CEP112: variants seen among roughly 807,000 people sequenced by gnomAD.
CEP112 encodes centrosomal protein 112, also known as centrosomal protein of 112 kDa.
A neutral mutation model predicts 153.0 loss-of-function variants in CEP112; 127 were observed. The observed-to-expected ratio is 0.83, with a 90% CI of 0.72 to 0.96. CEP112 has a LOEUF of 0.96. CEP112 is among the 40% of genes least tolerant of loss of function. CEP112 has a pLI of 0.00. For missense variants in CEP112, 1,089 were observed against 1,101.2 expected, an observed-to-expected ratio of 0.99 and a Z score of 0.16; for synonymous variants, 358 against 374.4, an observed-to-expected ratio of 0.96 and a Z score of 0.51.
At chr17:65,983,614 C>T (rs1167095745) in intron 17 of CEP112, among the ~76,000 whole-genome samples, 4 of 151,958 alleles carry the variant, frequency 2.6e-5, no homozygotes, top group South Asian at 2.1e-4. Context: ...CCTCCTGCTC[C>T]GTCTCTTGCT....
chr17:65,759,703 G>A (rs560805736), intron 21 of CEP112, among the ~76,000 whole-genome samples: 1 of 152,216 alleles, frequency 6.6e-6, no homozygotes, highest in South Asian at 2.1e-4. Context: ...AGGAAGCAGA[G>A]GATTGTGACC....
At chr17:65,902,990 T>A (rs967878639) in intron 19 of CEP112, 3 of 150,648 alleles carry the variant, frequency 2.0e-5, no homozygotes, top group African/African-American at 7.4e-5. Context: ...CCTTGGCCAG[T>A]CTTAGCCTCT....
chr17:65,738,503 A>G (rs1426778330), intron 23 of CEP112, among the ~76,000 whole-genome samples: 1 of 152,214 alleles, frequency 6.6e-6, no homozygotes, highest in East Asian at 1.9e-4. Flanking sequence ...TCATTTCAAA[A>G]GCCTACTCGG....
intron 21 of CEP112, among the ~76,000 whole-genome samples, chr17:65,758,059 C>G (rs763000867): frequency 8.5e-5 from 13 of 152,252 alleles, no homozygotes; most frequent in Admixed American, 2.6e-4. Flanking sequence ...GACTCAAACT[C>G]CTAGGCTCAA....
intron 18 of CEP112, among the ~76,000 whole-genome samples, chr17:65,944,694 ATCATCTTACC>A (rs1383805466): frequency 6.6e-6 from 1 of 152,066 alleles, no homozygotes; most frequent in East Asian, 1.9e-4. Flanking sequence ...GGCTCAAGTG[ATCATCTTACC>A]TCAACCTCTG....
At chr17:66,057,598 A>T (rs2066745760) in intron 11 of CEP112, among the ~76,000 whole-genome samples, 1 of 152,176 alleles carries the variant, frequency 6.6e-6, no homozygotes, top group South Asian at 2.1e-4. Flanking sequence ...ATATACACAC[A>T]CACATACATA....
chr17:65,778,675 C>T (rs940572297), intron 21 of CEP112, among the ~76,000 whole-genome samples: 2 of 152,058 alleles, frequency 1.3e-5, no homozygotes, highest in Non-Finnish European at 2.9e-5. Context: ...ATTTCTTTAT[C>T]TCCACTTAGC....
intron 18 of CEP112, among the ~76,000 whole-genome samples, chr17:65,934,879 A>G (rs1031464222): frequency 5.3e-5 from 8 of 152,214 alleles, no homozygotes; most frequent in African/African-American, 1.9e-4. Context: ...GGAAATTTAC[A>G]ATCATGGTAG....
At chr17:66,093,420 T>C (rs1313387535) in intron 8 of CEP112, among the ~76,000 whole-genome samples, 1 of 151,770 alleles carries the variant, frequency 6.6e-6, no homozygotes, top group Admixed American at 6.6e-5. Flanking sequence ...TGATCTTATA[T>C]GTAAAAAAAA....
chr17:65,690,425 CAAA>C (rs67648497), intron 23 of CEP112, among the ~76,000 whole-genome samples: 8 of 76,672 alleles, frequency 1.0e-4, no homozygotes, highest in African/African-American at 2.6e-4. Context: ...GACCCTGTCT[CAAA>C]AAAAAAAAAA....
At chr17:65,985,166 A>C (rs1401143360) in intron 17 of CEP112, among the ~76,000 whole-genome samples, 1 of 152,178 alleles carries the variant, frequency 6.6e-6, no homozygotes, top group Non-Finnish European at 1.5e-5. Context: ...ATTAAGAAAA[A>C]AGTTTTAAGA....
chr17:66,128,099 C>A (rs761614106), intron 6 of CEP112, among the ~76,000 whole-genome samples: 1 of 151,850 alleles, frequency 6.6e-6, no homozygotes, highest in Admixed American at 6.6e-5. Flanking sequence ...GTCGGGAGTT[C>A]GAGACCAGCC....
chr17:65,681,740 C>T (rs2047542022), intron 24 of CEP112, among the ~76,000 whole-genome samples: 1 of 145,996 alleles, frequency 6.8e-6, no homozygotes, highest in African/African-American at 2.6e-5. Context: ...GTGGTGCAAT[C>T]TTGGCTCACT....
intron 17 of CEP112, among the ~76,000 whole-genome samples, chr17:65,973,422 C>G (rs2062921912): frequency 6.6e-6 from 1 of 152,126 alleles, no homozygotes; most frequent in South Asian, 2.1e-4. Context: ...AGAAAACAGT[C>G]AACCCAATTT....
chr17:66,093,812 G>C (rs938424508), intron 8 of CEP112, among the ~76,000 whole-genome samples: 1 of 152,004 alleles, frequency 6.6e-6, no homozygotes, highest in Admixed American at 6.6e-5. Flanking sequence ...ATTTTTCACA[G>C]ATATAAAGAA....
chr17:65,944,433 A>G (rs2061589987), intron 18 of CEP112, among the ~76,000 whole-genome samples: 1 of 152,222 alleles, frequency 6.6e-6, no homozygotes, highest in African/African-American at 2.4e-5. Flanking sequence ...CAGCTTTCAT[A>G]TATCTTAAGA....
intron 22 of CEP112, among the ~76,000 whole-genome samples, chr17:65,748,693 T>C (rs2051621435): frequency 6.6e-6 from 1 of 152,178 alleles, no homozygotes; most frequent in African/African-American, 2.4e-5. Context: ...ATGAGGAAAT[T>C]GAATTCCAAA....
At chr17:65,769,631 T>G (rs998615167) in intron 21 of CEP112, among the ~76,000 whole-genome samples, 3 of 152,022 alleles carry the variant, frequency 2.0e-5, no homozygotes, top group African/African-American at 7.2e-5. Context: ...GCCAACTAAT[T>G]TTCAGCAAGG....
intron 20 of CEP112, among the ~76,000 whole-genome samples, chr17:65,862,331 G>C (rs913167380): frequency 6.6e-6 from 1 of 152,162 alleles, no homozygotes; most frequent in Non-Finnish European, 1.5e-5. Context: ...GCTCACGCCT[G>C]TAATCCTAGC....
Sources: allele counts gnomAD v4.1 joint callset (sites outside exome capture counted in the v4.1 genomes callset), GRCh38; gene constraint gnomAD v4.1.1; transcripts MANE v1.5; gene names NCBI Gene and HGNC (gene_info 2026-07-23, HGNC 2026-07-21).